Variants in GOLM1 observed in about 807,000 individuals in gnomAD.
The protein encoded by GOLM1 is epididymis luminal protein 46.
A neutral mutation model predicts 50.5 loss-of-function variants in GOLM1; 31 were observed. The ratio of observed to expected loss-of-function variants is 0.61; its 90% CI spans 0.46 to 0.83. The LOEUF is 0.83. Ranked by LOEUF, GOLM1 falls within the 40% of genes least tolerant of loss-of-function variation. GOLM1 has a pLI of 0.00. For synonymous variants in GOLM1, 178 were observed against 192.8 expected, an observed-to-expected ratio of 0.92 and a Z score of 0.64; for missense variants, 491 against 501.3, an observed-to-expected ratio of 0.98 and a Z score of 0.20.
At chr9:86,067,331 T>C (rs897651755) in intron 3 of GOLM1, among the ~76,000 whole-genome samples, 9 of 152,270 alleles carry the variant, frequency 5.9e-5, no homozygotes, top group Non-Finnish European at 1.3e-4. Context: ...TGAATCTCCA[T>C]TGGCTTCTAC....
rs1832793390 is a variant in GOLM1, at chr9:86,026,612, T to G, written c.*1205A>C. ...CCTGTGGATCCTCCTACTTACCCCT[T>G]AGAGAGCCTTACTGGGAAGTCAGTC... On this transcript the variant is annotated 3_prime_UTR_variant, in exon 10 of 10. Coordinates refer to ENST00000388712, the MANE Select transcript of GOLM1 (RefSeq NM_016548.4). 3 of 981,928 alleles carry G rather than the reference T, an allele frequency of 3.1e-6. No individual in the cohort carries two copies. In the South Asian group the frequency reaches 1.4e-4, roughly 46 times the overall value. The allele number at this position is 981,928 out of a possible 1,614,324, so 60.8% of individuals were successfully genotyped here.
rs555694822 is a variant in GOLM1 at position 86,095,086 on chromosome 9, A to C, written c.-22+4325T>G. On this transcript the variant is annotated intron_variant, in intron 1 of 9. Transcript: ENST00000388712. The stretch of plus-strand genomic sequence containing the variant: ...CAAAAACCCCGTCTAAAAAAAAAAA[A>C]AAGAAAAAGAAAAGAAAAGAAAAAA... Among the ~76,000 whole-genome samples the C allele has an allele frequency of 4.3e-3, 659 of 151,746 alleles. 6 individuals are homozygous for C. The highest frequency in any genetic ancestry group is 0.015 in the African/African-American group (634 of 41,406).
intron 9 of GOLM1, among the ~76,000 whole-genome samples, chr9:86,030,719 T>C (rs1421170148): frequency 1.3e-5 from 2 of 152,196 alleles, no homozygotes; most frequent in African/African-American, 2.4e-5. Flanking sequence ...GATTAGATAA[T>C]AGCATTGTAT....
Position 86,061,210 on chromosome 9 carries a change from G to A in GOLM1, c.310-8619C>T, listed in dbSNP as rs536397117. ...CAGGCACACATAAGCTTGCCACATT[G>A]ATAATTAAATCTGCCAAGTACAATT... is the stretch of plus-strand genomic sequence containing the variant. On this transcript the variant is annotated intron_variant, in intron 3 of 9. Coordinates refer to ENST00000388712, the MANE Select transcript of GOLM1 (RefSeq NM_016548.4). Among the ~76,000 whole-genome samples, 12 of 152,256 alleles carry A rather than the reference G, an allele frequency of 7.9e-5. No homozygotes were observed. The East Asian group carries it at 2.1e-3, about 27-fold the overall frequency.
chr9:86,091,348 T>C (rs2118900321), intron 1 of GOLM1, among the ~76,000 whole-genome samples: 1 of 152,306 alleles, frequency 6.6e-6, no homozygotes, highest in African/African-American at 2.4e-5. Flanking sequence ...CAATGTACAG[T>C]TTCATATTTA....
At chr9:86,043,480 G>A (rs1833428676) in intron 5 of GOLM1, among the ~76,000 whole-genome samples, 2 of 152,204 alleles carry the variant, frequency 1.3e-5, no homozygotes, top group Non-Finnish European at 2.9e-5. Context: ...TGCACAAATT[G>A]CACACTTTAG....
intron 6 of GOLM1, 53 bp from the exon 7 acceptor site, chr9:86,036,560 C>T: frequency 6.3e-7 from 1 of 1,583,202 alleles, no homozygotes; most frequent in Non-Finnish European, 8.6e-7. Flanking sequence ...TGAACAGAAG[C>T]CGTAAAAGAA....
chr9:86,062,737 C>G (rs1242528856), intron 3 of GOLM1, among the ~76,000 whole-genome samples: 13 of 151,648 alleles, frequency 8.6e-5, no homozygotes, highest in African/African-American at 3.1e-4. Flanking sequence ...ACGGGGGGGG[C>G]TGCCCTTGCC....
At chr9:86,083,672 G>A (rs1010859401) in intron 1 of GOLM1, among the ~76,000 whole-genome samples, 1 of 152,210 alleles carries the variant, frequency 6.6e-6, no homozygotes, top group African/African-American at 2.4e-5. Context: ...ATGGGCATGA[G>A]CCACCATGCC....
intron 6 of GOLM1, among the ~76,000 whole-genome samples, chr9:86,039,797 G>A (rs183772517): frequency 5.9e-5 from 9 of 151,958 alleles, no homozygotes; most frequent in African/African-American, 1.7e-4. Flanking sequence ...ATGAAACCCC[G>A]TCTCTACTAA....
At chr9:86,079,953 C>G in intron 1 of GOLM1, 1 of 149,608 alleles carries the variant, frequency 6.7e-6, no homozygotes, top group East Asian at 2.0e-4. Flanking sequence ...AACTCCCCCC[C>G]ATGTACATCA....
At chr9:86,037,395 G>A (rs375011792) in intron 6 of GOLM1, among the ~76,000 whole-genome samples, 10 of 146,650 alleles carry the variant, frequency 6.8e-5, no homozygotes, top group African/African-American at 2.1e-4. Context: ...CCAAGATCAT[G>A]CCATTGCATT....
chr9:86,035,066 T>C, intron 8 of GOLM1: 3 of 985,346 alleles, frequency 3.0e-6, no homozygotes, highest in Non-Finnish European at 3.6e-6. Flanking sequence ...GTGGCCTGCC[T>C]GCCAGGAGGG....
At chr9:86,082,162 G>A (rs1481927298) in intron 1 of GOLM1, among the ~76,000 whole-genome samples, 2 of 149,818 alleles carry the variant, frequency 1.3e-5, no homozygotes, top group African/African-American at 4.9e-5. Flanking sequence ...CCGAGTAGCT[G>A]GGACTACAGG....
In GOLM1 at chr9:86,074,568, C is replaced by T. The variant is rs530957372; in HGVS notation, c.309+2844G>A. ...TTGTGTCTGCACTGAAGGAAGGCGG[C>T]GGCCAGTGTGCAGGGGTGGAGGCTG... On this transcript the variant is annotated intron_variant, in intron 3 of 9. Transcript: ENST00000388712. Among the ~76,000 whole-genome samples the T allele has an allele frequency of 5.9e-5, 9 of 152,318 alleles. No homozygotes were observed. In the South Asian group the frequency reaches 1.0e-3, roughly 18 times the overall value.
intron 3 of GOLM1, among the ~76,000 whole-genome samples, chr9:86,054,649 C>G (rs1051581795): frequency 1.3e-5 from 2 of 152,198 alleles, no homozygotes; most frequent in Non-Finnish European, 1.5e-5. Flanking sequence ...CAAAGCCAAA[C>G]TCCAGCTCCA....
chr9:86,030,862 T>TA (rs1015140553), intron 9 of GOLM1, among the ~76,000 whole-genome samples: 2 of 151,938 alleles, frequency 1.3e-5, no homozygotes, highest in South Asian at 2.1e-4. Context: ...AATGAAAAGG[T>TA]AAAAAAAATG....
At chr9:86,088,649 A>G (rs1835073291) in intron 1 of GOLM1, among the ~76,000 whole-genome samples, 1 of 138,236 alleles carries the variant, frequency 7.2e-6, no homozygotes. Context: ...TTTTGAGCCT[A>G]TGTGTGTCTC....
intron 8 of GOLM1, chr9:86,034,968 T>C (rs1279055735): frequency 3.1e-6 from 3 of 976,410 alleles, no homozygotes; most frequent in African/African-American, 1.8e-5. Flanking sequence ...CAATATTCCT[T>C]CCTTCCTTCC....
Sources: allele counts gnomAD v4.1 joint callset (sites outside exome capture counted in the v4.1 genomes callset), GRCh38; gene constraint gnomAD v4.1.1; transcripts MANE v1.5; gene names NCBI Gene and HGNC (gene_info 2026-07-23, HGNC 2026-07-21).